CASZ1: variants seen among roughly 807,000 people sequenced by gnomAD.
The protein encoded by CASZ1 is castor zinc finger 1, also known as zinc finger protein castor homolog 1.
In CASZ1, 28 loss-of-function variants were observed where a neutral mutation model predicts 135.2. The observed-to-expected ratio is 0.21, with a 90% CI of 0.15 to 0.28. CASZ1 has a LOEUF of 0.28. CASZ1 is among the 10% of genes least tolerant of loss of function. CASZ1 has a pLI of 1.00. For missense variants in CASZ1, 2,161 were observed against 2,453.3 expected, an observed-to-expected ratio of 0.88 and a Z score of 2.52; for synonymous variants, 1,068 against 1,073.4, an observed-to-expected ratio of 0.99 and a Z score of 0.10.
intron 1 of CASZ1, among the ~76,000 whole-genome samples, chr1:10,786,920 C>T (rs372402174): frequency 3.3e-5 from 5 of 152,116 alleles, no homozygotes; most frequent in African/African-American, 1.2e-4. Flanking sequence ...GCACCACCCG[C>T]GACACCCAGG....
At chr1:10,656,824 G>C (rs1464275583) in intron 7 of CASZ1, 88 bp from the exon 8 acceptor site, 3 of 850,788 alleles carry the variant, frequency 3.5e-6, no homozygotes, top group African/African-American at 1.7e-5. Context: ...AGGACTCTTC[G>C]GGCCCTGTAT....
Position 10,650,619 on chromosome 1 carries a change from TC to T in CASZ1, c.2880+72del, listed in dbSNP as rs1207068649. 8.5e-6 allele frequency: 11 copies of T among 1,292,120 alleles called. No homozygotes were observed. The Admixed American group carries it at 8.5e-5, about 10-fold the overall frequency. The allele number at this position is 1,292,120 out of a possible 1,614,324, so 80.0% of individuals were successfully genotyped here. ...GGCAAAACATTAAAAAACAAACACA[TC>T]CCCCCACCCCCCAGCACAGCTTTAA... On this transcript the variant is annotated intron_variant, in intron 13 of 20. Transcript: ENST00000377022.
intron 5 of CASZ1, among the ~76,000 whole-genome samples, chr1:10,662,231 A>G (rs749758306): frequency 2.3e-5 from 3 of 130,392 alleles, no homozygotes; most frequent in Non-Finnish European, 4.9e-5. Flanking sequence ...CACATAAAAC[A>G]CACACATACA....
In CASZ1 at chr1:10,654,059, G is replaced by A. The variant is rs761880445; in HGVS notation, c.1998C>T (p.Asn666=). The A allele has an allele frequency of 1.2e-6, 2 of 1,614,214 alleles. No homozygotes were observed. Among genetic ancestry groups the A allele is most frequent in the Admixed American group, 1.7e-5 (1 of 60,026 alleles). ...AGCCGGCGCGGATGCAGTGGAAGTG[G>A]TTGGTAGCCTTGCTGTACACGCAGC... The part of the protein sequence containing the change: ...YEGCVYSKAT[N]HFHCIRAGCG... The change falls in exon 11 of 21, where the codon AAC becomes AAT. Residue 666 remains asparagine, a synonymous_variant. Transcript: ENST00000377022.
chr1:10,780,662 AT>A (rs927326542), intron 1 of CASZ1, among the ~76,000 whole-genome samples: 17 of 152,120 alleles, frequency 1.1e-4, no homozygotes, highest in African/African-American at 3.9e-4. Flanking sequence ...TTAGGGGTGC[AT>A]TTTTTTCCCT....
At chr1:10,689,340 G>A (rs762884183) in intron 4 of CASZ1, among the ~76,000 whole-genome samples, 4 of 152,216 alleles carry the variant, frequency 2.6e-5, no homozygotes, top group African/African-American at 9.6e-5. Context: ...CCCTCCAAAG[G>A]TGCCTGCATT....
rs148571445 is a variant in CASZ1, at chr1:10,724,149, C to T, written c.-76-18605G>A. On this transcript the variant is annotated intron_variant, in intron 2 of 20. Transcript: ENST00000377022. This position sits in a 1 kb window ranked among gnomAD's most constrained non-coding sequence, Gnocchi z 4.1. ...TTTGCCAAAAGAGGTGTCAGGCTAA[C>T]GTTACACCAGCTTTAAAAATACCCC... Among the ~76,000 whole-genome samples the T allele has an allele frequency of 1.5e-3, 222 of 152,286 alleles. No homozygotes were observed. Among genetic ancestry groups the T allele is most frequent in the African/African-American group, 5.2e-3 (216 of 41,550 alleles).
chr1:10,742,982 C>G (rs899116646), intron 2 of CASZ1, among the ~76,000 whole-genome samples: 2 of 149,706 alleles, frequency 1.3e-5, no homozygotes, highest in Non-Finnish European at 2.9e-5. Context: ...AAGACTCCAT[C>G]TCACAAAAAA....
rs1275298970 is a variant in CASZ1, at chr1:10,649,294, C to T, written c.3024G>A (p.Val1008=). ...CAGCAGCCCCTCACCTGCGCAGGTA[C>T]ACCTTCCAGGGCTCTGCCAACTTCT... ...VQEKLAEPWK[V]YLRRFGTKDF... is the part of the protein sequence containing the mutation. Residue 1008 remains valine, a synonymous_variant, in exon 14 of 21, where the codon GTG becomes GTA. Transcript: ENST00000377022. 2.5e-5 allele frequency: 40 copies of T among 1,598,400 alleles called. No homozygotes were observed. Among genetic ancestry groups the T allele is most frequent in the Non-Finnish European group, 3.3e-5 (39 of 1,172,382 alleles).
rs572021615 is a variant in CASZ1 at position 10,697,232 on chromosome 1, A to G, written c.-23-3320T>C. Among the ~76,000 whole-genome samples, 1 of 148,478 alleles carries G rather than the reference A, an allele frequency of 6.7e-6. No homozygotes were observed. Among genetic ancestry groups the G allele is most frequent in the South Asian group, 2.2e-4 (1 of 4,622 alleles). Reference sequence around the variant, plus strand: ...GAGGCTGTGTCATGGAGGGGCCCCCAGATTATGCGCCCCCCCCTTCTCTCT... The same window carrying G: ...GAGGCTGTGTCATGGAGGGGCCCCCGGATTATGCGCCCCCCCCTTCTCTCT... On this transcript the variant is annotated intron_variant, in intron 3 of 20. Coordinates refer to ENST00000377022, the MANE Select transcript of CASZ1 (RefSeq NM_001079843.3). The surrounding 1 kb of genome is among the most constrained non-coding windows in gnomAD (Gnocchi z 4.7).
At chr1:10,677,671 A>T (rs1002513157) in intron 4 of CASZ1, among the ~76,000 whole-genome samples, 1 of 152,244 alleles carries the variant, frequency 6.6e-6, no homozygotes, top group East Asian at 1.9e-4. Flanking sequence ...ACTCGTGAGG[A>T]CTAGGCAGAT....
chr1:10,733,193 A>AG (rs1440256872), intron 2 of CASZ1, among the ~76,000 whole-genome samples: 2 of 152,236 alleles, frequency 1.3e-5, no homozygotes, highest in African/African-American at 4.8e-5. Flanking sequence ...ACGGGGGACT[A>AG]GATGTGAAAG....
rs2100220193 is a variant in CASZ1, at chr1:10,653,468, C to A, written c.2589G>T (p.Met863Ile). Reference protein sequence around the residue: ...ASVPAPPASIMERISASKGLI... With the variant: ...ASVPAPPASIIERISASKGLI... ...GGCCCTTGCTTGCAGAGATCCTCTC[C>A]ATGATGGAGGCGGGTGGTGCCGGGA... Residue 863 changes from methionine to isoleucine, a missense_variant, in exon 11 of 21, where the codon ATG becomes ATT. Physicochemically the swap from Met to Ile is conservative, Grantham distance 10 (BLOSUM62 1). Coordinates refer to ENST00000377022, the MANE Select transcript of CASZ1 (RefSeq NM_001079843.3). The A allele has an allele frequency of 6.2e-7, 1 of 1,613,284 alleles. No homozygotes were observed. Among genetic ancestry groups the A allele is most frequent in the East Asian group, 2.2e-5 (1 of 44,880 alleles).
At chr1:10,715,765 AC>A (rs1328853188) in intron 2 of CASZ1, among the ~76,000 whole-genome samples, 20 of 53,716 alleles carry the variant, frequency 3.7e-4, no homozygotes, top group Admixed American at 6.5e-4. Flanking sequence ...CCCAATCCAC[AC>A]CCCACAGCAC....
intron 2 of CASZ1, among the ~76,000 whole-genome samples, chr1:10,743,146 C>G (rs1639958441): frequency 6.6e-6 from 1 of 152,104 alleles, no homozygotes; most frequent in African/African-American, 2.4e-5. Flanking sequence ...TCAGGCAGGG[C>G]ACTAGAGCCC....
At chr1:10,659,562 C>T (rs1642936098) in intron 6 of CASZ1, 140 bp downstream of exon 6, 1 of 667,374 alleles carries the variant, frequency 1.5e-6, no homozygotes, top group East Asian at 2.7e-5. Flanking sequence ...TGAGTGTGCA[C>T]GCGCCTGGAT....
chr1:10,678,175 A>C lies in CASZ1; in HGVS notation c.17-12604T>G, dbSNP rs183844779. 4.9e-3 allele frequency among the ~76,000 whole-genome samples: 753 copies of C among 152,240 alleles called. 4 individuals carry two copies. Among genetic ancestry groups the C allele is most frequent in the African/African-American group, 0.017 (696 of 41,528 alleles). On this transcript the variant is annotated intron_variant, in intron 4 of 20. Coordinates refer to ENST00000377022, the MANE Select transcript of CASZ1 (RefSeq NM_001079843.3). The stretch of plus-strand genomic sequence containing the variant: ...CGTGGGCAGCAGGTGGCAGAGGAAC[A>C]CGGGGTGGCACACCACCCGCCCTCC...
At chr1:10,732,658 G>A (rs1221021333) in intron 2 of CASZ1, among the ~76,000 whole-genome samples, 1 of 152,200 alleles carries the variant, frequency 6.6e-6, no homozygotes, top group African/African-American at 2.4e-5. Flanking sequence ...CAGAGGAGGG[G>A]GAGATGGTCC....
At position 10,794,018 on chromosome 1, in the gene CASZ1, C is replaced by T. The variant is rs947111739; in HGVS notation, c.-234+2546G>A. 1.5e-4 allele frequency among the ~76,000 whole-genome samples: 23 copies of T among 152,176 alleles called. No individual in the cohort carries two copies. The highest frequency in any genetic ancestry group is 5.1e-4 in the African/African-American group (21 of 41,454). The stretch of plus-strand genomic sequence containing the variant: ...CTCGGGCGCCGAACGGCCCAGCGCC[C>T]CCTCCGGGCACGTGGAGCGCAGCCC... On this transcript the variant is annotated intron_variant, in intron 1 of 20. Coordinates refer to ENST00000377022, the MANE Select transcript of CASZ1 (RefSeq NM_001079843.3). The surrounding 1 kb of genome is among the most constrained non-coding windows in gnomAD (Gnocchi z 5.6).
Sources: gnomAD v4.1 joint callset for allele counts (sites outside exome capture counted in the v4.1 genomes callset) on GRCh38, gnomAD v4.1.1 for gene constraint, Gnocchi (gnomAD v3.1) non-coding constraint, MANE v1.5 for transcripts, NCBI Gene and HGNC (gene_info 2026-07-23, HGNC 2026-07-21) for gene names.